MIS18A: variants seen among roughly 807,000 people sequenced by gnomAD.
MIS18A encodes the protein MIS18 kinetochore protein A, also known as protein Mis18-alpha.
Under a neutral mutation model 25.0 loss-of-function variants are expected in MIS18A, and 14 were observed. The observed-to-expected ratio is 0.56, with a 90% CI of 0.37 to 0.88. The LOEUF is 0.88. Ranked by LOEUF, MIS18A falls within the 40% of genes least tolerant of loss-of-function variation. MIS18A has a pLI of 0.00. For missense variants in MIS18A, 292 were observed against 290.8 expected (o/e 1.00, Z -0.03); for synonymous variants, 134 against 118.6 (o/e 1.13, Z -0.84).
At chr21:32,222,708 G>C in the MIS18A span, among the ~76,000 whole-genome samples, 2 of 151,938 alleles carry the variant, frequency 1.3e-5, no homozygotes, top group South Asian at 2.1e-4. Context: ...AAGGCGGGCG[G>C]GTCACGAGGT....
At chr21:32,254,531 C>CA in the MIS18A span, among the ~76,000 whole-genome samples, 252 of 135,534 alleles carry the variant, frequency 1.9e-3, no homozygotes, top group Middle Eastern at 0.011. Flanking sequence ...AACTCGGTCT[C>CA]AAAAAAAAAA....
the MIS18A span, among the ~76,000 whole-genome samples, chr21:32,154,811 C>T: frequency 6.6e-6 from 1 of 152,158 alleles, no homozygotes; most frequent in Non-Finnish European, 1.5e-5. Flanking sequence ...AGTTAAAAGA[C>T]TTATAGCCAA....
the MIS18A span, among the ~76,000 whole-genome samples, chr21:32,167,148 A>G: frequency 1.3e-5 from 2 of 152,226 alleles, no homozygotes; most frequent in Non-Finnish European, 2.9e-5. Context: ...CCCTGACTGT[A>G]TTGAGATGTT....
At chr21:32,234,655 G>A in the MIS18A span, among the ~76,000 whole-genome samples, 6 of 152,138 alleles carry the variant, frequency 3.9e-5, no homozygotes, top group African/African-American at 1.4e-4. Context: ...CTCGGTTCAT[G>A]TGAGAACTGC....
the MIS18A span, among the ~76,000 whole-genome samples, chr21:32,244,954 A>G: frequency 3.9e-5 from 6 of 152,262 alleles, no homozygotes; most frequent in Non-Finnish European, 8.8e-5. Flanking sequence ...GTACATATTC[A>G]GTAAACACTT....
chr21:32,209,218 C>T, the MIS18A span, among the ~76,000 whole-genome samples: 1 of 151,548 alleles, frequency 6.6e-6, no homozygotes, highest in African/African-American at 2.4e-5. Context: ...TAGATGGAAA[C>T]TGCTCTTGCA....
the MIS18A span, among the ~76,000 whole-genome samples, chr21:32,203,288 C>T: frequency 6.6e-6 from 1 of 151,510 alleles, no homozygotes; most frequent in African/African-American, 2.4e-5. Flanking sequence ...TAAAGAAATG[C>T]AAGACATTTA....
chr21:32,193,826 G>T, the MIS18A span, among the ~76,000 whole-genome samples: 1 of 151,982 alleles, frequency 6.6e-6, no homozygotes, highest in Non-Finnish European at 1.5e-5. Flanking sequence ...AAGATTTGGT[G>T]ACAATTTTGG....
rs200025238 is a variant in MIS18A, at chr21:32,270,535, A to G, written c.402-6T>C. The G allele has an allele frequency of 1.4e-5, 21 of 1,535,912 alleles. No individual in the cohort carries two copies. Among genetic ancestry groups the G allele is most frequent in the Non-Finnish European group, 1.7e-5 (19 of 1,143,452 alleles). ...AGCACAAAGTCTCAAGGACGCTGCA[A>G]TAAAGAAATGTCTTGCTTTAGGAAA... On this transcript the variant is annotated splice_region_variant and splice_polypyrimidine_tract_variant and intron_variant, in intron 2 of 4. Coordinates refer to ENST00000290130, the MANE Select transcript of MIS18A (RefSeq NM_018944.3).
chr21:32,257,464 T>C, the MIS18A span, among the ~76,000 whole-genome samples: 1 of 152,360 alleles, frequency 6.6e-6, no homozygotes, highest in East Asian at 1.9e-4. Context: ...GCGGCTCTTC[T>C]ATTCTAAGCT....
chr21:32,176,769 T>C, the MIS18A span, among the ~76,000 whole-genome samples: 1 of 148,730 alleles, frequency 6.7e-6, no homozygotes, highest in Non-Finnish European at 1.5e-5. Flanking sequence ...CAACTGAATA[T>C]CAACAAGGCA....
downstream of MIS18A, among the ~76,000 whole-genome samples, chr21:32,264,817 G>C (rs963852708): frequency 6.6e-6 from 1 of 152,120 alleles, no homozygotes; most frequent in African/African-American, 2.4e-5. Context: ...GAATCATCCG[G>C]GTAGGACACA....
chr21:32,155,710 C>A, the MIS18A span, among the ~76,000 whole-genome samples: 1 of 152,144 alleles, frequency 6.6e-6, no homozygotes, highest in Non-Finnish European at 1.5e-5. Flanking sequence ...AAGTGTTACA[C>A]TTTGCCCTTC....
chr21:32,202,026 T>C, the MIS18A span, among the ~76,000 whole-genome samples: 1 of 152,166 alleles, frequency 6.6e-6, no homozygotes, highest in African/African-American at 2.4e-5. Flanking sequence ...CAATGGCTCA[T>C]GCCTGTAATC....
chr21:32,277,270 AAC>A (rs1479348004), intron 1 of MIS18A, among the ~76,000 whole-genome samples: 4 of 152,236 alleles, frequency 2.6e-5, no homozygotes, highest in African/African-American at 4.8e-5. Context: ...AAATAACAAA[AAC>A]AGTCTTTCTA....
At chr21:32,203,182 G>GA in the MIS18A span, among the ~76,000 whole-genome samples, 10,174 of 139,402 alleles carry the variant, frequency 0.073, 498 homozygotes, top group South Asian at 0.17. Flanking sequence ...ACAGAAAAGA[G>GA]AAAAAAAAAA....
At chr21:32,220,733 T>C in the MIS18A span, among the ~76,000 whole-genome samples, 1 of 151,912 alleles carries the variant, frequency 6.6e-6, no homozygotes, top group Non-Finnish European at 1.5e-5. Context: ...AGAACCTTGA[T>C]AAAAGGTTAC....
At chr21:32,190,552 T>TA in the MIS18A span, among the ~76,000 whole-genome samples, 2 of 152,176 alleles carry the variant, frequency 1.3e-5, no homozygotes, top group African/African-American at 4.8e-5. Context: ...ACACATTTTT[T>TA]AAAAACACTA....
At chr21:32,256,838 A>ATGTTTGATTG in the MIS18A span, among the ~76,000 whole-genome samples, 1 of 152,074 alleles carries the variant, frequency 6.6e-6, no homozygotes, top group Non-Finnish European at 1.5e-5. Context: ...CACCCATCTC[A>ATGTTTGATTG]AACAGTTCAA....
Sources: allele counts gnomAD v4.1 joint callset (sites outside exome capture counted in the v4.1 genomes callset), GRCh38; gene constraint gnomAD v4.1.1; transcripts MANE v1.5; gene names NCBI Gene and HGNC (gene_info 2026-07-23, HGNC 2026-07-21).